FAM107B: variants seen among roughly 807,000 people sequenced by gnomAD.
FAM107B encodes protein FAM107B.
FAM107B carries 21 observed loss-of-function variants against 31.5 expected under a neutral mutation model. That is an observed-to-expected ratio of 0.67 (90% CI 0.47 to 0.96). The LOEUF is 0.96. Among genes scored for constraint, FAM107B ranks in the 40% least tolerant of loss-of-function variants. The probability of loss-of-function intolerance (pLI) is 0.00; values close to 1 mark genes in which losing one functional copy is unlikely to be tolerated. For missense variants in FAM107B, 452 were observed against 377.1 expected (o/e 1.20, Z -1.64); for synonymous variants, 157 against 141.5 (o/e 1.11, Z -0.78).
At chr10:14,760,657 A>C (rs1466991147) in intron 1 of FAM107B, among the ~76,000 whole-genome samples, 1 of 151,244 alleles carries the variant, frequency 6.6e-6, no homozygotes. Flanking sequence ...TGATATGCAG[A>C]GAACTCAATA....
intron 2 of FAM107B, among the ~76,000 whole-genome samples, chr10:14,583,856 A>C (rs1327668838): frequency 6.6e-6 from 1 of 152,140 alleles, no homozygotes; most frequent in Non-Finnish European, 1.5e-5. Flanking sequence ...GCCACCCCTC[A>C]GGATCCAGGG....
At chr10:14,556,436 A>G in intron 2 of FAM107B, 2 of 985,084 alleles carry the variant, frequency 2.0e-6, no homozygotes, top group African/African-American at 1.7e-5. Flanking sequence ...GTCAGCACTC[A>G]GCATGCCAGA....
In FAM107B at chr10:14,610,549, T is replaced by C. The variant is rs376784567; in HGVS notation, c.469+57085A>G. Among the ~76,000 whole-genome samples, 119 of 152,308 alleles carry C rather than the reference T, an allele frequency of 7.8e-4. 1 individual carries two copies. The East Asian group carries it at 0.017, about 22-fold the overall frequency. On this transcript the variant is annotated intron_variant, in intron 2 of 4. Transcript: ENST00000181796. ...ATTTGTGGAAAATCTTTGTGAAAAG[T>C]TGTGTGGTTTGCCAAGCAAATATAG...
rs77079033 is a variant in FAM107B at position 14,586,338 on chromosome 10, T to A, written c.470-55823A>T. On this transcript the variant is annotated intron_variant, in intron 2 of 4. Transcript: ENST00000181796. ...TAGATTTAAAAATAAAAGAAAAAAA[T>A]ATATGAGATGAGAATCCTGCCTGCC... 5.4e-4 allele frequency among the ~76,000 whole-genome samples: 82 copies of A among 152,098 alleles called. 1 individual carries two copies. Among genetic ancestry groups the A allele is most frequent in the African/African-American group, 2.0e-3 (81 of 41,478 alleles).
intron 2 of FAM107B, among the ~76,000 whole-genome samples, chr10:14,550,008 T>C (rs543167442): frequency 1.3e-5 from 2 of 152,194 alleles, no homozygotes; most frequent in African/African-American, 2.4e-5. Context: ...CTTACGGGAA[T>C]GGAAAGGAGG....
At position 14,772,692 on chromosome 10, in the gene FAM107B, G is replaced by C. The variant is rs535775736; in HGVS notation, c.411+1561C>G. Among the ~76,000 whole-genome samples, 4 of 152,046 alleles carry C rather than the reference G, an allele frequency of 2.6e-5. No homozygotes were observed. The East Asian group carries it at 7.7e-4, about 29-fold the overall frequency. On this transcript the variant is annotated intron_variant, in intron 1 of 4. Transcript: ENST00000181796. ...ATTGTTACAATGTCCTCTCTGCTCC[G>C]GGCTTCCCAACTGTAATCCATCCTA... is the stretch of plus-strand genomic sequence containing the variant.
At chr10:14,747,126 C>T (rs142845982) in intron 1 of FAM107B, among the ~76,000 whole-genome samples, 10 of 152,252 alleles carry the variant, frequency 6.6e-5, no homozygotes, top group Non-Finnish European at 1.2e-4. Context: ...TCTTGTGTTG[C>T]GTTTCTCAGC....
intron 2 of FAM107B, among the ~76,000 whole-genome samples, chr10:14,553,008 A>G (rs1296106780): frequency 3.3e-5 from 5 of 152,216 alleles, no homozygotes; most frequent in Non-Finnish European, 5.9e-5. Flanking sequence ...GTCCAACAGC[A>G]ATGTACATTG....
intron 2 of FAM107B, among the ~76,000 whole-genome samples, chr10:14,619,587 C>T (rs1852945631): frequency 6.6e-6 from 1 of 151,544 alleles, no homozygotes; most frequent in East Asian, 1.9e-4. Flanking sequence ...CTAAATATTT[C>T]CTCCCCATCT....
chr10:14,651,487 C>T (rs1363392059), intron 2 of FAM107B, among the ~76,000 whole-genome samples: 3 of 152,106 alleles, frequency 2.0e-5, no homozygotes, highest in Non-Finnish European at 4.4e-5. Flanking sequence ...TGCCTGTAAT[C>T]CCAGCTACTT....
At chr10:14,715,173 A>G (rs975253100) in intron 1 of FAM107B, among the ~76,000 whole-genome samples, 2 of 152,222 alleles carry the variant, frequency 1.3e-5, no homozygotes, top group Non-Finnish European at 2.9e-5. Context: ...AGAGAATACA[A>G]AGAGTGGGGG....
intron 1 of FAM107B, among the ~76,000 whole-genome samples, chr10:14,767,698 A>G (rs774441104): frequency 6.6e-6 from 1 of 152,132 alleles, no homozygotes; most frequent in Non-Finnish European, 1.5e-5. Flanking sequence ...TATAAGAAAA[A>G]CCCACCACTA....
intron 2 of FAM107B, among the ~76,000 whole-genome samples, chr10:14,532,210 T>C (rs1847098540): frequency 6.6e-6 from 1 of 152,174 alleles, no homozygotes; most frequent in South Asian, 2.1e-4. Flanking sequence ...GGCTTCATCC[T>C]GCTTGTATCC....
At chr10:14,587,862 T>C (rs1230123716) in intron 2 of FAM107B, among the ~76,000 whole-genome samples, 3 of 152,072 alleles carry the variant, frequency 2.0e-5, no homozygotes, top group Non-Finnish European at 4.4e-5. Flanking sequence ...TGGGCTGTCA[T>C]TTCATCTATA....
chr10:14,673,762 CT>C (rs1157937174), intron 1 of FAM107B, among the ~76,000 whole-genome samples: 1 of 152,096 alleles, frequency 6.6e-6, no homozygotes, highest in Non-Finnish European at 1.5e-5. Flanking sequence ...TCTCCGTATC[CT>C]TTTCGGCGTT....
chr10:14,559,050 GC>G (rs1329552773), intron 2 of FAM107B, among the ~76,000 whole-genome samples: 1 of 148,252 alleles, frequency 6.7e-6, no homozygotes, highest in Non-Finnish European at 1.5e-5. Context: ...ACGCAGTCCA[GC>G]TGTGGCTTTC....
At chr10:14,524,788 T>C (rs1846050624) in intron 3 of FAM107B, among the ~76,000 whole-genome samples, 1 of 152,220 alleles carries the variant, frequency 6.6e-6, no homozygotes, top group South Asian at 2.1e-4. Context: ...TTTCCCTACA[T>C]TTCACTGGCA....
chr10:14,702,259 A>G (rs752365060), intron 1 of FAM107B, among the ~76,000 whole-genome samples: 1 of 152,246 alleles, frequency 6.6e-6, no homozygotes, highest in Non-Finnish European at 1.5e-5. Flanking sequence ...CATTTTTCCT[A>G]AGACAAATGA....
chr10:14,688,358 CGT>C (rs1855040521), intron 1 of FAM107B, among the ~76,000 whole-genome samples: 1 of 152,120 alleles, frequency 6.6e-6, no homozygotes, highest in African/African-American at 2.4e-5. Flanking sequence ...CTTGTGATCG[CGT>C]GAGTCAGCAT....
Sources: allele counts gnomAD v4.1 joint callset (sites outside exome capture counted in the v4.1 genomes callset), GRCh38; gene constraint gnomAD v4.1.1; transcripts MANE v1.5; gene names NCBI Gene and HGNC (gene_info 2026-07-23, HGNC 2026-07-21).